ATG7: variants seen among roughly 807,000 people sequenced by gnomAD.
ATG7 encodes autophagy related 7.
ATG7 carries 70 observed loss-of-function variants against 82.4 expected under a neutral mutation model. The ratio of observed to expected loss-of-function variants is 0.85; its 90% CI spans 0.70 to 1.04. ATG7 has a LOEUF of 1.04. Among genes scored for constraint, ATG7 ranks in the 50% least tolerant of loss-of-function variants. The pLI is 0.00. For synonymous variants in ATG7, 287 were observed against 313.0 expected, an observed-to-expected ratio of 0.92 and a Z score of 0.88; for missense variants, 792 against 864.3, an observed-to-expected ratio of 0.92 and a Z score of 1.05.
intron 20 of ATG7, among the ~76,000 whole-genome samples, chr3:11,520,232 C>T (rs1464003855): frequency 6.6e-6 from 1 of 152,186 alleles, no homozygotes; most frequent in African/African-American, 2.4e-5. Flanking sequence ...GACCCCAGCT[C>T]ATGCTCCACA....
intron 19 of ATG7, among the ~76,000 whole-genome samples, chr3:11,399,984 CTATATTT>C (rs2079674778): frequency 6.6e-6 from 1 of 152,194 alleles, no homozygotes. Context: ...AGCCTATAGA[CTATATTT>C]TACATTTCTG....
intron 14 of ATG7, 148 bp from the exon 15 acceptor site, chr3:11,358,270 G>C: frequency 1.3e-6 from 1 of 765,840 alleles, no homozygotes; most frequent in South Asian, 1.8e-5. Flanking sequence ...AGAAGAGAGA[G>C]GGCGTGGGAA....
chr3:11,440,827 G>A (rs956096559), intron 20 of ATG7, among the ~76,000 whole-genome samples: 1 of 151,854 alleles, frequency 6.6e-6, no homozygotes, highest in Middle Eastern at 3.4e-3. Flanking sequence ...GGGATTACAG[G>A]CATCTGCTAC....
intron 5 of ATG7, among the ~76,000 whole-genome samples, chr3:11,301,312 T>C (rs536467961): frequency 6.6e-6 from 1 of 152,260 alleles, no homozygotes; most frequent in East Asian, 1.9e-4. Context: ...GGCTACAGTG[T>C]TTTTTCTGCT....
At chr3:11,538,712 CAAA>C (rs34720305) in intron 20 of ATG7, among the ~76,000 whole-genome samples, 4 of 83,982 alleles carry the variant, frequency 4.8e-5, no homozygotes, top group Non-Finnish European at 6.8e-5. Flanking sequence ...AAAAATTAGC[CAAA>C]AAAAAAAAAA....
chr3:11,351,851 CTT>C (rs5846705), intron 14 of ATG7, among the ~76,000 whole-genome samples: 27 of 146,366 alleles, frequency 1.8e-4, no homozygotes, highest in Middle Eastern at 3.5e-3. Flanking sequence ...AGTATAGTTT[CTT>C]TTTTTTTTTT....
intron 20 of ATG7, among the ~76,000 whole-genome samples, chr3:11,538,677 T>TAA (rs560029572): frequency 3.6e-4 from 17 of 47,638 alleles, no homozygotes; most frequent in African/African-American, 1.2e-3. Context: ...ACTCCGTCTC[T>TAA]AAAAAAAAAA....
At chr3:11,557,688 G>C (rs1316785630), downstream of ATG7, 1 of 152,766 alleles carries the variant, frequency 6.5e-6, no homozygotes, top group East Asian at 1.9e-4. Context: ...TAAGGTTTTT[G>C]TTTACTGTCT....
At chr3:11,491,854 C>T (rs149568621) in intron 20 of ATG7, among the ~76,000 whole-genome samples, 2,068 of 152,226 alleles carry the variant, frequency 0.014, 47 homozygotes, top group African/African-American at 0.047. Flanking sequence ...GAGGAGTACC[C>T]GGCCGTGTGA....
At chr3:11,442,692 T>C (rs2084093287) in intron 20 of ATG7, among the ~76,000 whole-genome samples, 1 of 125,748 alleles carries the variant, frequency 8.0e-6, no homozygotes, top group South Asian at 2.5e-4. Context: ...TGTGTGAGAC[T>C]AGAAGTTGAA....
rs538670244 is a variant in ATG7, at chr3:11,402,675, G to A, written c.1956+22623G>A. 1.5e-4 allele frequency among the ~76,000 whole-genome samples: 23 copies of A among 152,284 alleles called. No homozygotes were observed. The South Asian group carries it at 3.5e-3, about 23-fold the overall frequency. On this transcript the variant is annotated intron_variant, in intron 19 of 20. Transcript: ENST00000693202. ...CCAGCTCCAAAAATATAAAATCACA[G>A]AATAGAAGGAAAATCAACTGTCAGA...
intron 20 of ATG7, among the ~76,000 whole-genome samples, chr3:11,462,861 ATTTATTTATTTATTT>A (rs1323709906): frequency 8.0e-6 from 1 of 124,988 alleles, no homozygotes; most frequent in African/African-American, 3.2e-5. Flanking sequence ...TTATTTATTT[ATTTATTTATTTATTT>A]ATTTATTTAT....
At chr3:11,479,946 G>A (rs899618057) in intron 20 of ATG7, among the ~76,000 whole-genome samples, 9 of 116,922 alleles carry the variant, frequency 7.7e-5, no homozygotes, top group African/African-American at 2.3e-4. Context: ...TTTTTTTTTT[G>A]AGATGGAGTC....
downstream of ATG7, chr3:11,558,796 C>G: frequency 1.2e-6 from 2 of 1,613,684 alleles, no homozygotes; most frequent in Non-Finnish European, 1.7e-6. Context: ...TGCGGAAATG[C>G]TCCTCCACCA....
At chr3:11,543,721 G>A (rs2071032078) in intron 20 of ATG7, among the ~76,000 whole-genome samples, 1 of 152,236 alleles carries the variant, frequency 6.6e-6, no homozygotes, top group Admixed American at 6.5e-5. Context: ...CCAACATGGT[G>A]AAACCCCATC....
chr3:11,328,257 T>C (rs1467191599), intron 9 of ATG7, among the ~76,000 whole-genome samples: 1 of 152,214 alleles, frequency 6.6e-6, no homozygotes, highest in Non-Finnish European at 1.5e-5. Flanking sequence ...ATAAGTAATA[T>C]ATTATTTCCT....
chr3:11,411,347 T>C (rs1185429191), intron 19 of ATG7, among the ~76,000 whole-genome samples: 1 of 152,134 alleles, frequency 6.6e-6, no homozygotes, highest in Non-Finnish European at 1.5e-5. Flanking sequence ...TTATCAGGGC[T>C]GGGCACGGTG....
At chr3:11,405,555 T>G (rs2080246584) in intron 19 of ATG7, among the ~76,000 whole-genome samples, 1 of 152,224 alleles carries the variant, frequency 6.6e-6, no homozygotes. Flanking sequence ...TCATGTATTT[T>G]CTGTGTTTAT....
At chr3:11,528,970 C>T (rs984241434) in intron 20 of ATG7, among the ~76,000 whole-genome samples, 11 of 151,914 alleles carry the variant, frequency 7.2e-5, no homozygotes, top group Non-Finnish European at 1.3e-4. Context: ...GAGAGAGGTA[C>T]AGATAGGCTT....
Sources: gnomAD v4.1 joint callset for allele counts (sites outside exome capture counted in the v4.1 genomes callset) on GRCh38, gnomAD v4.1.1 for gene constraint, MANE v1.5 for transcripts, NCBI Gene and HGNC (gene_info 2026-07-23, HGNC 2026-07-21) for gene names.